The following PODXL2 variants were observed in gnomAD, a reference collection of about 807,000 sequenced individuals.
PODXL2 encodes the protein podocalyxin-like protein 2.
Under a neutral mutation model 53.4 loss-of-function variants are expected in PODXL2, and 17 were observed. The ratio of observed to expected loss-of-function variants is 0.32; its 90% confidence interval spans 0.22 to 0.48. PODXL2 has a LOEUF of 0.48. Among genes scored for constraint, PODXL2 ranks in the 20% least tolerant of loss-of-function variants. PODXL2 has a pLI of 0.99. For missense variants in PODXL2, 673 were observed against 760.0 expected (o/e 0.89, Z 1.35); for synonymous variants, 311 against 306.7 (o/e 1.01, Z -0.15).
chr3:127,643,429 C>T (rs745707479), intron 2 of PODXL2, among the ~76,000 whole-genome samples: 5 of 152,054 alleles, frequency 3.3e-5, no homozygotes, highest in Non-Finnish European at 7.4e-5. Flanking sequence ...AGGCTGGTTT[C>T]AAACTCCTGA....
At chr3:127,655,142 C>T (rs2074713905) in intron 2 of PODXL2, among the ~76,000 whole-genome samples, 1 of 151,990 alleles carries the variant, frequency 6.6e-6, no homozygotes, top group Admixed American at 6.5e-5. Context: ...GGGATTTCAC[C>T]ATGTTGGCCA....
chr3:127,661,167 G>A lies in PODXL2; in HGVS notation c.1131+8G>A. The A allele has an allele frequency of 1.2e-6, 2 of 1,607,632 alleles. No individual in the cohort carries two copies. The highest frequency in any genetic ancestry group is 1.7e-6 in the Non-Finnish European group (2 of 1,174,704). ...CCCTGGGATTCTACGCAGGTAAAGT[G>A]AGGGGCATGCGGGCCACCACCCTGT... On this transcript the variant is annotated splice_region_variant and intron_variant, in intron 3 of 7. Transcript: ENST00000342480.
intron 2 of PODXL2, among the ~76,000 whole-genome samples, chr3:127,656,552 T>C (rs1420422479): frequency 2.0e-5 from 3 of 151,766 alleles, no homozygotes; most frequent in Non-Finnish European, 2.9e-5. Flanking sequence ...CTGGCCAACA[T>C]GGTGAAACCC....
At chr3:127,652,531 G>A (rs979547417) in intron 2 of PODXL2, among the ~76,000 whole-genome samples, 1 of 152,138 alleles carries the variant, frequency 6.6e-6, no homozygotes, top group African/African-American at 2.4e-5. Flanking sequence ...CCCATGCTCC[G>A]AGGCCCAGCC....
intron 1 of PODXL2, among the ~76,000 whole-genome samples, chr3:127,634,960 A>G (rs1312357074): frequency 6.6e-6 from 1 of 152,168 alleles, no homozygotes. Flanking sequence ...GCGGTGAAGC[A>G]CTATGAGGAC....
At chr3:127,650,382 G>A (rs1174047358) in intron 2 of PODXL2, among the ~76,000 whole-genome samples, 1 of 152,128 alleles carries the variant, frequency 6.6e-6, no homozygotes, top group African/African-American at 2.4e-5. Context: ...GAGAAATAAG[G>A]CCTAGGGGAC....
At chr3:127,654,270 A>G (rs987390209) in intron 2 of PODXL2, among the ~76,000 whole-genome samples, 1 of 152,136 alleles carries the variant, frequency 6.6e-6, no homozygotes, top group African/African-American at 2.4e-5. Context: ...AAATTTCCCC[A>G]TGGTCAGATT....
At chr3:127,653,340 A>G (rs1365639472) in intron 2 of PODXL2, among the ~76,000 whole-genome samples, 6 of 152,168 alleles carry the variant, frequency 3.9e-5, no homozygotes. Context: ...ATGTTCGCTG[A>G]CCTGTAGTGA....
chr3:127,666,778 A>G (rs892611549), intron 4 of PODXL2, among the ~76,000 whole-genome samples: 16 of 152,180 alleles, frequency 1.1e-4, no homozygotes, highest in African/African-American at 3.6e-4. Flanking sequence ...TCCTGTCTAC[A>G]TAATAAGTGG....
intron 4 of PODXL2, among the ~76,000 whole-genome samples, chr3:127,665,743 A>G (rs563405345): frequency 6.6e-6 from 1 of 152,316 alleles, no homozygotes; most frequent in South Asian, 2.1e-4. Flanking sequence ...CAAGATCTGG[A>G]TAAAGAAGCA....
At chr3:127,652,397 T>A (rs1452104866) in intron 2 of PODXL2, among the ~76,000 whole-genome samples, 2 of 151,416 alleles carry the variant, frequency 1.3e-5, no homozygotes, top group Non-Finnish European at 2.9e-5. Flanking sequence ...TCTGGGAGGG[T>A]CGGGAGCCCA....
chr3:127,655,800 G>T (rs2074720391), intron 2 of PODXL2, among the ~76,000 whole-genome samples: 1 of 152,240 alleles, frequency 6.6e-6, no homozygotes, highest in Non-Finnish European at 1.5e-5. Flanking sequence ...CTCTGGAGAA[G>T]ATGTAAATTT....
At chr3:127,670,634 G>T (rs2074826569) in intron 6 of PODXL2, among the ~76,000 whole-genome samples, 1 of 152,184 alleles carries the variant, frequency 6.6e-6, no homozygotes, top group South Asian at 2.1e-4. Context: ...ACAGAAACCG[G>T]GGAAGAGCTG....
At chr3:127,645,628 A>G (rs2074647620) in intron 2 of PODXL2, among the ~76,000 whole-genome samples, 1 of 152,200 alleles carries the variant, frequency 6.6e-6, no homozygotes, top group Admixed American at 6.5e-5. Flanking sequence ...CAGAGGGGAC[A>G]TCTCCGTGTA....
chr3:127,664,156 GCACC>G (rs1209316805), intron 4 of PODXL2, among the ~76,000 whole-genome samples: 3 of 151,892 alleles, frequency 2.0e-5, no homozygotes, highest in African/African-American at 7.3e-5. Flanking sequence ...CCCAGTCCCG[GCACC>G]CACCATTCTC....
In PODXL2 at chr3:127,647,293, C is replaced by T. The variant is rs77051045; in HGVS notation, c.349+7770C>T. On this transcript the variant is annotated intron_variant, in intron 2 of 7. Transcript: ENST00000342480. ...CACCAGCTAGCATCAAGTGAAGTTA[C>T]AGCCTGACCAGTTAATTCATGCACA... 1.6e-3 allele frequency among the ~76,000 whole-genome samples: 239 copies of T among 152,322 alleles called. 2 individuals are homozygous for T. Among genetic ancestry groups the T allele is most frequent in the African/African-American group, 5.3e-3 (221 of 41,578 alleles).
rs1328841811 is a variant in PODXL2 at position 127,629,542 on chromosome 3, C to T, written c.70+253C>T. Among the ~76,000 whole-genome samples the T allele has an allele frequency of 1.3e-5, 2 of 151,536 alleles. No homozygotes were observed. The highest frequency in any genetic ancestry group is 3.0e-5 in the Non-Finnish European group (2 of 67,792). On this transcript the variant is annotated intron_variant, in intron 1 of 7. Coordinates refer to ENST00000342480, the MANE Select transcript of PODXL2 (RefSeq NM_015720.4). This position sits in a 1 kb window ranked among gnomAD's most constrained non-coding sequence, Gnocchi z 6.4. ...TGAAGCTGGGACACAGCACCGTGGCCCCCACGCCGCGGCTCTCAGGGGCAG... is the reference window on the plus strand; with the variant it reads ...TGAAGCTGGGACACAGCACCGTGGCTCCCACGCCGCGGCTCTCAGGGGCAG...
intron 2 of PODXL2, among the ~76,000 whole-genome samples, chr3:127,644,581 G>A (rs2074641795): frequency 6.6e-6 from 1 of 152,130 alleles, no homozygotes; most frequent in Admixed American, 6.5e-5. Context: ...TCGATTTGTT[G>A]TCCTCCCCCC....
chr3:127,637,535 G>A (rs2074584676), intron 1 of PODXL2, among the ~76,000 whole-genome samples: 1 of 152,220 alleles, frequency 6.6e-6, no homozygotes, highest in African/African-American at 2.4e-5. Flanking sequence ...TGGAGGCATG[G>A]TAGGAATTGG....
Sources: gnomAD v4.1 joint callset for allele counts (sites outside exome capture counted in the v4.1 genomes callset) on GRCh38, gnomAD v4.1.1 for gene constraint, Gnocchi (gnomAD v3.1) non-coding constraint, MANE v1.5 for transcripts, NCBI Gene and HGNC (gene_info 2026-07-23, HGNC 2026-07-21) for gene names.